Variants in HGSNAT observed in about 807,000 individuals in gnomAD.
HGSNAT encodes transmembrane protein 76.
Under a neutral mutation model 85.2 loss-of-function variants are expected in HGSNAT, and 59 were observed. That is an observed-to-expected ratio of 0.69 (90% CI 0.56 to 0.86). HGSNAT has a LOEUF of 0.86. HGSNAT is among the 40% of genes least tolerant of loss of function. The pLI is 0.00. For missense variants in HGSNAT, 756 were observed against 777.1 expected (o/e 0.97, Z 0.32); for synonymous variants, 321 against 304.5 (o/e 1.05, Z -0.56).
chr8:43,187,256 A>G (rs1804349302), intron 11 of HGSNAT, among the ~76,000 whole-genome samples: 3 of 152,324 alleles, frequency 2.0e-5, no homozygotes, highest in South Asian at 4.1e-4. Context: ...AAAGTCTCCC[A>G]TTATTATCAT....
rs1367452677 is a variant in HGSNAT, at chr8:43,183,739, A to G, written c.1128+1479A>G. Among the ~76,000 whole-genome samples, 2 of 151,642 alleles carry G rather than the reference A, an allele frequency of 1.3e-5. 1 individual carries two copies. Among genetic ancestry groups the G allele is most frequent in the African/African-American group, 4.9e-5 (2 of 41,220 alleles). On this transcript the variant is annotated intron_variant, in intron 11 of 17. Coordinates refer to ENST00000379644, the MANE Select transcript of HGSNAT (RefSeq NM_152419.3). Reference sequence around the variant, plus strand: ...CCATGTTGGTATGCTGCACCCGTTAACTCGTCATTTACATTAGGTATATCC... The same window carrying G: ...CCATGTTGGTATGCTGCACCCGTTAGCTCGTCATTTACATTAGGTATATCC...
intron 11 of HGSNAT, among the ~76,000 whole-genome samples, chr8:43,191,104 T>C (rs1254067359): frequency 6.6e-5 from 10 of 152,252 alleles, no homozygotes; most frequent in Admixed American, 6.5e-4. Context: ...CTGAATTAGA[T>C]TCCGCTTTAG....
At position 43,148,392 on chromosome 8, in the gene HGSNAT, T is replaced by G. The variant is rs1430196768; in HGVS notation, c.234+1329T>G. Among the ~76,000 whole-genome samples, 3 of 151,984 alleles carry G rather than the reference T, an allele frequency of 2.0e-5. No individual in the cohort carries two copies. In the East Asian group the frequency reaches 5.8e-4, roughly 29 times the overall value. Reference sequence around the variant, plus strand: ...ATAGTAATGCTATATCAAGGTGTTATGCTGTCGTCAAGGTGTTAGGTGTAG... The same window carrying G: ...ATAGTAATGCTATATCAAGGTGTTAGGCTGTCGTCAAGGTGTTAGGTGTAG... On this transcript the variant is annotated intron_variant, in intron 2 of 17. Coordinates refer to ENST00000379644, the MANE Select transcript of HGSNAT (RefSeq NM_152419.3).
intron 2 of HGSNAT, 23 bp from the exon 3 acceptor site, chr8:43,158,552 A>T: frequency 1.2e-6 from 2 of 1,613,682 alleles, no homozygotes; most frequent in Non-Finnish European, 1.7e-6. Context: ...CTGGCGGTTG[A>T]CCTGTTGTGC....
At chr8:43,194,326 A>T (rs1804637871) in intron 14 of HGSNAT, 1 of 882,166 alleles carries the variant, frequency 1.1e-6, no homozygotes, top group African/African-American at 1.8e-5. Context: ...TGAACCAAGG[A>T]GGTTGAGGCT....
chr8:43,188,314 C>A lies in HGSNAT; in HGVS notation c.1129-3160C>A, dbSNP rs556014744. On this transcript the variant is annotated intron_variant, in intron 11 of 17. Coordinates refer to ENST00000379644, the MANE Select transcript of HGSNAT (RefSeq NM_152419.3). ...ACAGATTTGATCTTTTCACATAGTCCCATATTTCTTGGAGCTTTGTTCATT... is the reference window on the plus strand; with the variant it reads ...ACAGATTTGATCTTTTCACATAGTCACATATTTCTTGGAGCTTTGTTCATT... Among the ~76,000 whole-genome samples, 55 of 152,264 alleles carry A rather than the reference C, an allele frequency of 3.6e-4. 1 individual carries two copies. The South Asian group carries it at 0.011, about 30-fold the overall frequency.
At chr8:43,181,963 T>G (rs1804140196) in intron 10 of HGSNAT, 182 bp from the exon 11 acceptor site, 1 of 611,562 alleles carries the variant, frequency 1.6e-6, no homozygotes, top group African/African-American at 1.8e-5. Flanking sequence ...GATTGGCCTG[T>G]TTTTGGAAGC....
intron 14 of HGSNAT, 120 bp downstream of exon 14, chr8:43,193,963 T>C (rs1586753783): frequency 4.1e-6 from 6 of 1,472,560 alleles, no homozygotes; most frequent in African/African-American, 1.4e-5. Flanking sequence ...ATGGGCCTAA[T>C]ATATTCTGTT....
At chr8:43,179,217 T>C (rs199948462) in intron 10 of HGSNAT, among the ~76,000 whole-genome samples, 1 of 149,938 alleles carries the variant, frequency 6.7e-6, no homozygotes, top group Non-Finnish European at 1.5e-5. Context: ...ACCTCCCGGA[T>C]GGGGCGGCTG....
chr8:43,167,407 C>A (rs1803466995), intron 5 of HGSNAT, among the ~76,000 whole-genome samples: 1 of 152,190 alleles, frequency 6.6e-6, no homozygotes, highest in Non-Finnish European at 1.5e-5. Context: ...CCACCCTGAC[C>A]ACTCAGCAGC....
In HGSNAT at chr8:43,200,423, A is replaced by T. The variant is rs1300123576; in HGVS notation, c.*854A>T. On this transcript the variant is annotated 3_prime_UTR_variant, in exon 18 of 18. Transcript: ENST00000379644. ...CACTTGTGAAATGAGCGGGAAGATG[A>T]CTCTCAGTTCCTTCCACCTCTTAGA... is the stretch of plus-strand genomic sequence containing the variant. The T allele has an allele frequency of 1.3e-5, 2 of 152,042 alleles. No individual in the cohort carries two copies. Among genetic ancestry groups the T allele is most frequent in the African/African-American group, 4.8e-5 (2 of 41,364 alleles). The allele number at this position is 152,042 out of a possible 1,614,324, so 9.4% of individuals were successfully genotyped here.
chr8:43,175,691 G>A (rs1586730551), intron 9 of HGSNAT, among the ~76,000 whole-genome samples: 1 of 147,914 alleles, frequency 6.8e-6, no homozygotes, highest in South Asian at 2.2e-4. Context: ...TCAGCCTCCC[G>A]AGTAGCTGGG....
chr8:43,198,166 C>T (rs963140521), intron 17 of HGSNAT, among the ~76,000 whole-genome samples: 4 of 152,194 alleles, frequency 2.6e-5, no homozygotes, highest in East Asian at 1.9e-4. Flanking sequence ...CCATTTTCAC[C>T]GTGTAGGTTG....
intron 2 of HGSNAT, among the ~76,000 whole-genome samples, chr8:43,151,706 C>A (rs1802926919): frequency 6.6e-6 from 1 of 151,910 alleles, no homozygotes; most frequent in African/African-American, 2.4e-5. Context: ...TAGATCAGGC[C>A]AAAGCAATTC....
At chr8:43,168,150 A>C in intron 5 of HGSNAT, 1 of 156,216 alleles carries the variant, frequency 6.4e-6, no homozygotes, top group Non-Finnish European at 1.4e-5. Context: ...TGATCTCCTA[A>C]CCTCGTGATC....
chr8:43,145,518 C>T (rs754835652), intron 1 of HGSNAT, among the ~76,000 whole-genome samples: 44 of 151,990 alleles, frequency 2.9e-4, no homozygotes, highest in South Asian at 4.1e-4. Context: ...TTTGGGAGGC[C>T]GAGGCAGGCA....
chr8:43,198,733 C>A (rs1471499291), intron 17 of HGSNAT, among the ~76,000 whole-genome samples: 1 of 152,154 alleles, frequency 6.6e-6, no homozygotes, highest in Non-Finnish European at 1.5e-5. Flanking sequence ...CTTAGAAACA[C>A]ATCAGATCAT....
chr8:43,198,828 TTAA>T (rs1311192399), intron 17 of HGSNAT, among the ~76,000 whole-genome samples: 4 of 152,232 alleles, frequency 2.6e-5, no homozygotes, highest in African/African-American at 4.8e-5. Flanking sequence ...ATATAAGTTA[TTAA>T]TAATAATTTT....
Position 43,178,139 on chromosome 8 carries a change from C to G in HGSNAT, c.917C>G (p.Ser306Ter), listed in dbSNP as rs1425193435. ...ACTTCTATACTGCAACGGGGGTGTT[C>G]AAAATTCAGATTGCTGGGGAAGATT... ...SMTSILQRGC[S>*]KFRLLGKIAW... Residue 306 changes from serine (S) to a stop codon, truncating the protein, a stop_gained, in exon 10 of 18, where the codon TCA (serine) becomes TGA (stop). Transcript: ENST00000379644. LOFTEE classifies it high-confidence loss of function. 2 of 1,607,246 alleles carry G rather than the reference C, an allele frequency of 1.2e-6. No homozygotes were observed. The highest frequency in any genetic ancestry group is 1.7e-6 in the Non-Finnish European group (2 of 1,177,616).
Sources: allele counts gnomAD v4.1 joint callset (sites outside exome capture counted in the v4.1 genomes callset), GRCh38; gene constraint gnomAD v4.1.1; transcripts MANE v1.5; gene names NCBI Gene and HGNC (gene_info 2026-07-23, HGNC 2026-07-21).